The following PKD2L2 variants were observed in gnomAD, a reference collection of about 807,000 sequenced individuals.
PKD2L2 encodes polycystin-2-like protein 2.
Under a neutral mutation model 83.9 loss-of-function variants are expected in PKD2L2, and 67 were observed. The observed-to-expected ratio is 0.80, with a 90% CI of 0.66 to 0.98. PKD2L2 has a LOEUF of 0.98. PKD2L2 is among the 50% of genes least tolerant of loss of function. The pLI is 0.00. For synonymous variants in PKD2L2, 223 were observed against 237.8 expected (o/e 0.94, Z 0.57); for missense variants, 632 against 717.2 (o/e 0.88, Z 1.36).
chr5:137,927,902 C>T (rs544048314), intron 12 of PKD2L2, among the ~76,000 whole-genome samples: 17 of 152,218 alleles, frequency 1.1e-4, no homozygotes, highest in Non-Finnish European at 1.9e-4. Context: ...CGGTGGCTCA[C>T]GCCTGTAATC....
intron 14 of PKD2L2, among the ~76,000 whole-genome samples, chr5:137,941,167 C>G (rs1761668495): frequency 6.6e-6 from 1 of 152,112 alleles, no homozygotes; most frequent in Non-Finnish European, 1.5e-5. Flanking sequence ...CTCAGCCTCC[C>G]AAAGTGCTGG....
chr5:137,890,584 T>A lies in PKD2L2; in HGVS notation c.133+2T>A. ...TTTTTTTAATAAACCTATGTATATG[T>A]AAGTACACAGATATAAAGATGCTGT... On this transcript the variant is annotated splice_donor_variant, in intron 2 of 14. Coordinates refer to ENST00000508883, the MANE Select transcript of PKD2L2 (RefSeq NM_001300921.2). LOFTEE classifies it high-confidence loss of function. 1.7e-6 allele frequency: 2 copies of A among 1,190,248 alleles called. No individual in the cohort carries two copies. Among genetic ancestry groups the A allele is most frequent in the East Asian group, 2.4e-5 (1 of 41,240 alleles). 73.7% of individuals were successfully genotyped at this position (1,190,248 alleles called of 1,614,324 possible). A position where few individuals can be genotyped will look rare whatever the true frequency, so the allele number is the denominator to read the frequency against.
At chr5:137,899,416 C>A in intron 4 of PKD2L2, 100 bp from the exon 5 acceptor site, 1 of 863,190 alleles carries the variant, frequency 1.2e-6, no homozygotes, top group Non-Finnish European at 1.8e-6. Context: ...CGCACTTGGC[C>A]AAAAAACTAC....
chr5:137,918,883 G>A (rs1225056844), intron 8 of PKD2L2, among the ~76,000 whole-genome samples: 1 of 147,764 alleles, frequency 6.8e-6, no homozygotes, highest in African/African-American at 2.5e-5. Context: ...AAATAGTTGA[G>A]AAACTGTGTT....
intron 8 of PKD2L2, among the ~76,000 whole-genome samples, chr5:137,914,240 G>T (rs1758124162): frequency 6.6e-6 from 1 of 151,592 alleles, no homozygotes; most frequent in Non-Finnish European, 1.5e-5. Context: ...TACAGGTTGA[G>T]CATTCCAAGT....
intron 2 of PKD2L2, among the ~76,000 whole-genome samples, chr5:137,891,771 C>T (rs1756009516): frequency 6.6e-6 from 1 of 151,992 alleles, no homozygotes; most frequent in African/African-American, 2.4e-5. Context: ...GCAACCTCCA[C>T]CTCCTGAGTT....
intron 8 of PKD2L2, among the ~76,000 whole-genome samples, chr5:137,917,007 A>G (rs958118000): frequency 6.6e-6 from 1 of 152,040 alleles, no homozygotes; most frequent in African/African-American, 2.4e-5. Flanking sequence ...GTTTAAATTC[A>G]TATTGTTCAT....
rs748918661 is a variant in PKD2L2 at position 137,907,794 on chromosome 5, TCTTA to T, written c.1032_1035del (p.Leu345AspfsTer4). Reference sequence around the variant, plus strand: ...ACATACTATAATGTACAAATTTTTCTCTTACTTGGACAGCTGTTGAAAAGTACTG... The same window carrying T: ...ACATACTATAATGTACAAATTTTTCTCTTGGACAGCTGTTGAAAAGTACTG... On this transcript the variant is annotated frameshift_variant, in exon 7 of 15. Transcript: ENST00000508883. LOFTEE classifies it high-confidence loss of function. 65 of 1,588,000 alleles carry T rather than the reference TCTTA, an allele frequency of 4.1e-5. No individual in the cohort carries two copies. The highest frequency in any genetic ancestry group is 5.4e-5 in the Non-Finnish European group (63 of 1,165,378).
In PKD2L2 at chr5:137,939,252, G is replaced by A. The variant is rs1252314362; in HGVS notation, c.*17+2825G>A. On this transcript the variant is annotated intron_variant, in intron 14 of 14. Transcript: ENST00000508883. ...AAAAAAAAAAAGATAACCCCCTGAA[G>A]GTACATGTGAAAATGCAGTGGTAGA... The A allele has an allele frequency of 2.6e-5, 4 of 152,490 alleles. No individual in the cohort carries two copies. The East Asian group carries it at 7.7e-4, about 29-fold the overall frequency. 9.4% of individuals were successfully genotyped at this position (152,490 alleles called of 1,614,324 possible). A position where few individuals can be genotyped will look rare whatever the true frequency, so the allele number is the denominator to read the frequency against.
chr5:137,921,712 A>C lies in PKD2L2; in HGVS notation c.1405A>C (p.Ile469Leu). The C allele has an allele frequency of 6.2e-7, 1 of 1,609,198 alleles. No homozygotes were observed. The highest frequency in any genetic ancestry group is 8.5e-7 in the Non-Finnish European group (1 of 1,176,432). ...IQQANPILGP[I>L]YFITFIFFVF... is the part of the protein sequence containing the mutation. The stretch of plus-strand genomic sequence containing the variant: ...GCAAGCCAATCCTATCTTGGGACCC[A>C]TTTACTTCATCACTTTCATCTTTTT... The change falls in exon 9 of 15, where the codon ATT (isoleucine) becomes CTT (leucine). Residue 469 changes from isoleucine to leucine, a missense_variant. This residue lies in a region of PKD2L2 where 399 missense variants were observed against 416.9 expected (regional missense o/e 0.96). Transcript: ENST00000508883.
At chr5:137,894,910 G>A (rs1204856141) in intron 4 of PKD2L2, among the ~76,000 whole-genome samples, 4 of 152,154 alleles carry the variant, frequency 2.6e-5, no homozygotes, top group Non-Finnish European at 4.4e-5. Flanking sequence ...CAATTAATCT[G>A]CTTTTCTGGC....
chr5:137,893,256 A>G (rs1326992721), intron 3 of PKD2L2, among the ~76,000 whole-genome samples: 1 of 152,148 alleles, frequency 6.6e-6, no homozygotes, highest in Non-Finnish European at 1.5e-5. Flanking sequence ...TTTACTGTTT[A>G]TATGTGTTAC....
intron 12 of PKD2L2, among the ~76,000 whole-genome samples, chr5:137,927,315 G>C (rs970246855): frequency 6.6e-6 from 1 of 152,172 alleles, no homozygotes; most frequent in Non-Finnish European, 1.5e-5. Flanking sequence ...CCTTGTCAAA[G>C]ACATATAATC....
At chr5:137,931,430 C>T (rs1460998179) in intron 12 of PKD2L2, among the ~76,000 whole-genome samples, 1 of 152,048 alleles carries the variant, frequency 6.6e-6, no homozygotes, top group Admixed American at 6.6e-5. Context: ...CATCTTAAAG[C>T]AAAAATCCTA....
chr5:137,901,476 G>A (rs1024530205), intron 5 of PKD2L2, among the ~76,000 whole-genome samples: 19 of 152,044 alleles, frequency 1.2e-4, no homozygotes, highest in African/African-American at 4.6e-4. Flanking sequence ...AGGATTTAAG[G>A]CAGGAAGGAA....
chr5:137,897,969 ATTTT>A (rs1239984315), intron 4 of PKD2L2, among the ~76,000 whole-genome samples: 1 of 145,282 alleles, frequency 6.9e-6, no homozygotes. Flanking sequence ...CAAAAAAAAA[ATTTT>A]TTTTTTTTTT....
At chr5:137,924,874 A>G (rs1046333933) in intron 10 of PKD2L2, among the ~76,000 whole-genome samples, 166 bp from the exon 11 acceptor site, 2 of 152,206 alleles carry the variant, frequency 1.3e-5, no homozygotes, top group African/African-American at 4.8e-5. Context: ...CGTAAACCAT[A>G]TGTAGCAATG....
intron 7 of PKD2L2, 51 bp downstream of exon 7, chr5:137,907,963 G>T: frequency 1.3e-6 from 1 of 797,604 alleles, no homozygotes; most frequent in East Asian, 3.0e-5. Flanking sequence ...ATAGCATAAT[G>T]AAAAATTAAA....
At chr5:137,919,029 G>A (rs975762156) in intron 8 of PKD2L2, among the ~76,000 whole-genome samples, 1 of 151,636 alleles carries the variant, frequency 6.6e-6, no homozygotes, top group Non-Finnish European at 1.5e-5. Flanking sequence ...CATCAAGCAG[G>A]GAGCCTGAAT....
Sources: allele counts gnomAD v4.1 joint callset (sites outside exome capture counted in the v4.1 genomes callset), GRCh38; gene constraint gnomAD v4.1.1; regional missense constraint gnomAD v4.1.1; transcripts MANE v1.5; gene names NCBI Gene and HGNC (gene_info 2026-07-23, HGNC 2026-07-21).